NSD3: variants seen among roughly 807,000 people sequenced by gnomAD.
NSD3 encodes histone-lysine N-methyltransferase NSD3.
NSD3 carries 24 observed loss-of-function variants against 160.8 expected under a neutral mutation model. The observed-to-expected ratio is 0.15, with a 90% CI of 0.11 to 0.21. The LOEUF is 0.21. Ranked by LOEUF, NSD3 falls within the 10% of genes least tolerant of loss-of-function variation. The pLI is 1.00. For missense variants in NSD3, 1,157 were observed against 1,735.9 expected (o/e 0.67, Z 5.93); for synonymous variants, 520 against 600.0 (o/e 0.87, Z 1.95).
intron 4 of NSD3, chr8:38,336,138 T>G (rs1810209866): frequency 6.6e-6 from 1 of 152,002 alleles, no homozygotes; most frequent in African/African-American, 2.4e-5. Flanking sequence ...TTCAGAAGAG[T>G]GAACAAGGAC....
chr8:38,354,781 TAAA>T (rs1404853239), intron 1 of NSD3, among the ~76,000 whole-genome samples: 1 of 151,690 alleles, frequency 6.6e-6, no homozygotes, highest in South Asian at 2.1e-4. Flanking sequence ...GTACTAAAAA[TAAA>T]AAGCTACAGG....
rs571260574 is a variant in NSD3 at position 38,300,354 on chromosome 8, G to A, written c.2612-764C>T. On this transcript the variant is annotated intron_variant, in intron 14 of 23. Coordinates refer to ENST00000317025, the MANE Select transcript of NSD3 (RefSeq NM_023034.2). ...TTTTTAAATTTTTTTGTAGAGATGG[G>A]GTCTATAATAGCTTTTGTGCCCAGG... is the stretch of plus-strand genomic sequence containing the variant. Among the ~76,000 whole-genome samples, 205 of 151,986 alleles carry A rather than the reference G, an allele frequency of 1.3e-3. 1 individual carries two copies. The highest frequency in any genetic ancestry group is 4.7e-3 in the African/African-American group (195 of 41,452).
intron 6 of NSD3, among the ~76,000 whole-genome samples, chr8:38,327,682 T>C (rs1353434921): frequency 1.3e-5 from 2 of 152,192 alleles, no homozygotes; most frequent in African/African-American, 4.8e-5. Flanking sequence ...AAGAGAACTC[T>C]AGTCATTTGC....
chr8:38,271,846 T>C lies in NSD3; in HGVS notation c.*3795A>G, dbSNP rs919623764. ...GTTTTCTTATCTTGTTAAGAGGACATGGCATGTGGCAGCCAACACCTTGAC... is the reference window on the plus strand; with the variant it reads ...GTTTTCTTATCTTGTTAAGAGGACACGGCATGTGGCAGCCAACACCTTGAC... On this transcript the variant is annotated 3_prime_UTR_variant, in exon 24 of 24. Transcript: ENST00000317025. The C allele has an allele frequency of 2.6e-5, 4 of 152,234 alleles. No homozygotes were observed. The highest frequency in any genetic ancestry group is 9.6e-5 in the African/African-American group (4 of 41,462). The allele number at this position is 152,234 out of a possible 1,614,324, so 9.4% of individuals were successfully genotyped here.
chr8:38,368,206 C>T (rs898603309), intron 1 of NSD3, among the ~76,000 whole-genome samples: 6 of 152,166 alleles, frequency 3.9e-5, no homozygotes, highest in Non-Finnish European at 8.8e-5. Context: ...GTGATCCACT[C>T]GCCTTGGCCT....
chr8:38,379,154 ATTAATTGG>A (rs1282660024), intron 1 of NSD3, among the ~76,000 whole-genome samples: 3 of 152,140 alleles, frequency 2.0e-5, no homozygotes, highest in African/African-American at 7.2e-5. Context: ...TGATGGACAT[ATTAATTGG>A]TTATAAGTGT....
chr8:38,277,972 A>T (rs371939466), intron 22 of NSD3, among the ~76,000 whole-genome samples: 6 of 147,018 alleles, frequency 4.1e-5, no homozygotes, highest in Non-Finnish European at 6.0e-5. Context: ...AGAGTCTTGC[A>T]CTGTCACCCA....
intron 14 of NSD3, among the ~76,000 whole-genome samples, chr8:38,300,175 T>A (rs1295373895): frequency 2.6e-5 from 4 of 151,942 alleles, no homozygotes; most frequent in Non-Finnish European, 4.4e-5. Flanking sequence ...ATATATATAT[T>A]TTTTGAGACA....
Position 38,270,588 on chromosome 8 carries a change from T to G in NSD3, c.*5053A>C, listed in dbSNP as rs1203590252. On this transcript the variant is annotated 3_prime_UTR_variant, in exon 24 of 24. Transcript: ENST00000317025. ...AGTTTTATCCAGTCCATTTCTAAAC[T>G]GACAAGAATACCTTATTCAATACCT... 2.0e-5 allele frequency: 3 copies of G among 152,224 alleles called. No individual in the cohort carries two copies. 9.4% of individuals were successfully genotyped at this position (152,224 alleles called of 1,614,324 possible). A position where few individuals can be genotyped will look rare whatever the true frequency, so the allele number is the denominator to read the frequency against.
At position 38,272,221 on chromosome 8, in the gene NSD3, C is replaced by G. The variant is rs1808499014; in HGVS notation, c.*3420G>C. ...CCCCCTGCCTCCATTACTTTTTTAG[C>G]TTTCACATATGTTCTTGACTTGTAC... On this transcript the variant is annotated 3_prime_UTR_variant, in exon 24 of 24. Coordinates refer to ENST00000317025, the MANE Select transcript of NSD3 (RefSeq NM_023034.2). The G allele has an allele frequency of 6.6e-6, 1 of 152,208 alleles. No individual in the cohort carries two copies. Among genetic ancestry groups the G allele is most frequent in the South Asian group, 2.1e-4 (1 of 4,836 alleles). The allele number at this position is 152,208 out of a possible 1,614,324, so 9.4% of individuals were successfully genotyped here. A position where few individuals can be genotyped will look rare whatever the true frequency, so the allele number is the denominator to read the frequency against.
At chr8:38,343,559 C>T (rs1810433599) in intron 2 of NSD3, among the ~76,000 whole-genome samples, 1 of 151,944 alleles carries the variant, frequency 6.6e-6, no homozygotes, top group Non-Finnish European at 1.5e-5. Flanking sequence ...AAAAACTAGC[C>T]AGGCGTGGTG....
intron 22 of NSD3, among the ~76,000 whole-genome samples, chr8:38,276,876 C>G (rs563807021): frequency 3.1e-4 from 47 of 152,016 alleles, no homozygotes; most frequent in Admixed American, 8.5e-4. Context: ...TTTGTAGAGA[C>G]AGGGTCTTGC....
chr8:38,329,988 G>A lies in NSD3; in HGVS notation c.1066-95C>T. 2 of 1,411,816 alleles carry A rather than the reference G, an allele frequency of 1.4e-6. No individual in the cohort carries two copies. Among genetic ancestry groups the A allele is most frequent in the Non-Finnish European group, 1.9e-6 (2 of 1,057,972 alleles). The allele number at this position is 1,411,816 out of a possible 1,614,324, so 87.5% of individuals were successfully genotyped here. ...CCATGTGATCCTGTTATCTTTTCAG[G>A]TCTACATAAATATCTTCAGGTTCTT... On this transcript the variant is annotated intron_variant, in intron 5 of 23. Transcript: ENST00000317025. The surrounding 1 kb of genome is among the most constrained non-coding windows in gnomAD (Gnocchi z 4.8).
In NSD3 at chr8:38,316,819, A is replaced by T. The variant is rs935275443; in HGVS notation, c.1856-777T>A. 9 of 1,061,240 alleles carry T rather than the reference A, an allele frequency of 8.5e-6. No individual in the cohort carries two copies. The highest frequency in any genetic ancestry group is 6.6e-5 in the African/African-American group (4 of 60,836). 65.7% of individuals were successfully genotyped at this position (1,061,240 alleles called of 1,614,324 possible). A position where few individuals can be genotyped will look rare whatever the true frequency, so the allele number is the denominator to read the frequency against. On this transcript the variant is annotated intron_variant, in intron 9 of 23. Transcript: ENST00000317025. The surrounding 1 kb of genome is among the most constrained non-coding windows in gnomAD (Gnocchi z 4.5). ...AGAATAGTGTGGAATTGTTTTTTTT[A>T]AAACTGTGTGTAATACAAATCCAGC...
intron 12 of NSD3, among the ~76,000 whole-genome samples, chr8:38,311,324 GTTT>G (rs1255118951): frequency 6.6e-6 from 1 of 151,692 alleles, no homozygotes; most frequent in Non-Finnish European, 1.5e-5. Context: ...GAATTGTTTC[GTTT>G]TTTGTTTTTG....
intron 21 of NSD3, 102 bp downstream of exon 21, chr8:38,279,438 A>G: frequency 7.4e-7 from 1 of 1,348,740 alleles, no homozygotes; most frequent in Admixed American, 2.2e-5. Context: ...CTCTTATTTA[A>G]ATAAGTTCTT....
At chr8:38,337,934 A>G (rs1288230017) in intron 3 of NSD3, among the ~76,000 whole-genome samples, 6 of 152,228 alleles carry the variant, frequency 3.9e-5, no homozygotes. Flanking sequence ...AAAAATATTA[A>G]TAAGCCCCAC....
chr8:38,372,842 G>A (rs1811284392), intron 1 of NSD3, among the ~76,000 whole-genome samples: 1 of 149,666 alleles, frequency 6.7e-6, no homozygotes, highest in South Asian at 2.1e-4. Context: ...CACCAGCCGG[G>A]CGCGGCGGTT....
At chr8:38,308,352 C>T (rs1003623021) in intron 12 of NSD3, among the ~76,000 whole-genome samples, 1 of 151,862 alleles carries the variant, frequency 6.6e-6, no homozygotes, top group Non-Finnish European at 1.5e-5. Context: ...TACATTTTTT[C>T]ACCACATGGT....
Sources: allele counts gnomAD v4.1 joint callset (sites outside exome capture counted in the v4.1 genomes callset), GRCh38; gene constraint gnomAD v4.1.1; non-coding constraint Gnocchi (gnomAD v3.1); transcripts MANE v1.5; gene names NCBI Gene and HGNC (gene_info 2026-07-23, HGNC 2026-07-21).